The following EIF5A2 variants were observed in gnomAD, a reference collection of about 807,000 sequenced individuals.
EIF5A2 encodes eukaryotic translation initiation factor 5A-2.
EIF5A2 carries 15 observed loss-of-function variants against 16.4 expected under a neutral mutation model. That is an observed-to-expected ratio of 0.92 (90% CI 0.61 to 1.41). The LOEUF (loss-of-function observed/expected upper bound fraction) is 1.41, where lower values mean the gene tolerates loss of function less well. Ranked by LOEUF, EIF5A2 falls within the 40% of genes most tolerant of loss-of-function variation. The probability of loss-of-function intolerance (pLI) is 0.00; values close to 1 mark genes in which losing one functional copy is unlikely to be tolerated. For synonymous variants in EIF5A2, 48 were observed against 61.1 expected (o/e 0.79, Z 1.00); for missense variants, 144 against 189.5 (o/e 0.76, Z 1.41).
chr3:170,894,617 C>T (rs997848193), intron 3 of EIF5A2, among the ~76,000 whole-genome samples, 194 bp from the exon 4 acceptor site: 4 of 151,962 alleles, frequency 2.6e-5, no homozygotes, highest in African/African-American at 7.3e-5. Flanking sequence ...TTACTCCTCC[C>T]GGTACTTCCC....
intron 3 of EIF5A2, among the ~76,000 whole-genome samples, chr3:170,899,393 T>C (rs9838064): frequency 0.29 from 43,541 of 150,732 alleles, 7,279 homozygotes; most frequent in Non-Finnish European, 0.38. Context: ...ACTATGCCTG[T>C]TGGGATTTTT....
At chr3:170,896,210 T>C (rs1409152528) in intron 3 of EIF5A2, among the ~76,000 whole-genome samples, 1 of 152,340 alleles carries the variant, frequency 6.6e-6, no homozygotes, top group South Asian at 2.1e-4. Context: ...GAATGAAATA[T>C]ATAAAGCATT....
intron 3 of EIF5A2, among the ~76,000 whole-genome samples, chr3:170,902,057 G>A (rs1021419486): frequency 6.6e-6 from 1 of 152,182 alleles, no homozygotes; most frequent in African/African-American, 2.4e-5. Context: ...CCATCATTGA[G>A]TGGAAGTAGC....
intron 4 of EIF5A2, 106 bp downstream of exon 4, chr3:170,894,186 G>A: frequency 8.1e-7 from 1 of 1,227,576 alleles, no homozygotes; most frequent in Admixed American, 2.2e-5. Context: ...CAACATTTTA[G>A]CAGTATTTTT....
In EIF5A2 at chr3:170,889,810, A is replaced by G. The variant is rs967817445; in HGVS notation, c.*3550T>C. 2 of 152,560 alleles carry G rather than the reference A, an allele frequency of 1.3e-5. No individual in the cohort carries two copies. The highest frequency in any genetic ancestry group is 4.8e-5 in the African/African-American group (2 of 41,438). 9.5% of individuals were successfully genotyped at this position (152,560 alleles called of 1,614,324 possible). On this transcript the variant is annotated 3_prime_UTR_variant, in exon 5 of 5. Transcript: ENST00000295822. Reference sequence around the variant, plus strand: ...CTATCTCTGGGGTCCATGCCAAAGGAATGCTTTCAGATGTATCCTAAGGAT... The same window carrying G: ...CTATCTCTGGGGTCCATGCCAAAGGGATGCTTTCAGATGTATCCTAAGGAT...
At chr3:170,895,381 G>C (rs1712644695) in intron 3 of EIF5A2, among the ~76,000 whole-genome samples, 1 of 151,136 alleles carries the variant, frequency 6.6e-6, no homozygotes, top group East Asian at 1.9e-4. Context: ...AAAAAGCACG[G>C]TTTTGATACC....
At position 170,907,650 on chromosome 3, in the gene EIF5A2, G is replaced by T; in HGVS notation, c.157C>A (p.His53Asn). 1 of 1,598,120 alleles carries T rather than the reference G, an allele frequency of 6.3e-7. No homozygotes were observed. Among genetic ancestry groups the T allele is most frequent in the South Asian group, 1.1e-5 (1 of 90,162 alleles). Residue 53 changes from histidine (H) to asparagine (N), a missense_variant, in exon 2 of 5, where the codon CAT (histidine) becomes AAT (asparagine). Transcript: ENST00000295822. Reference sequence around the variant, plus strand: ...TCTGCAAGGGTACTTACCTTGGCATGACCATGCTTTCCAGTTTTGGAAGTT... The same window carrying T: ...TCTGCAAGGGTACTTACCTTGGCATTACCATGCTTTCCAGTTTTGGAAGTT... The part of the protein sequence containing the change: ...MSTSKTGKHG[H>N]AKVHLVGIDI...
At chr3:170,894,521 G>T in intron 3 of EIF5A2, 98 bp from the exon 4 acceptor site, 1 of 958,696 alleles carries the variant, frequency 1.0e-6, no homozygotes, top group African/African-American at 1.7e-5. Flanking sequence ...ATTCATATAA[G>T]TATACAGTAA....
Position 170,907,837 on chromosome 3 carries a change from G to T in EIF5A2, c.-31C>A. Reference sequence around the variant, plus strand: ...GCAGGGGAGATGGTAGTTTTTCCGTGGGAACTACACAAAAAGTTTGTGTTT... The same window carrying T: ...GCAGGGGAGATGGTAGTTTTTCCGTTGGAACTACACAAAAAGTTTGTGTTT... On this transcript the variant is annotated 5_prime_UTR_variant, in exon 2 of 5. Coordinates refer to ENST00000295822, the MANE Select transcript of EIF5A2 (RefSeq NM_020390.6). The T allele has an allele frequency of 6.6e-7, 1 of 1,507,756 alleles. No homozygotes were observed. The highest frequency in any genetic ancestry group is 9.0e-7 in the Non-Finnish European group (1 of 1,115,748). 93.4% of individuals were successfully genotyped at this position (1,507,756 alleles called of 1,614,324 possible). A position where few individuals can be genotyped will look rare whatever the true frequency, so the allele number is the denominator to read the frequency against.
At chr3:170,901,619 C>T (rs1199025366) in intron 3 of EIF5A2, among the ~76,000 whole-genome samples, 2 of 149,070 alleles carry the variant, frequency 1.3e-5, no homozygotes, top group Admixed American at 1.3e-4. Flanking sequence ...AGTGCAGTGG[C>T]GCAATCTTGG....
intron 3 of EIF5A2, among the ~76,000 whole-genome samples, chr3:170,898,497 G>C (rs770546103): frequency 1.3e-5 from 2 of 152,090 alleles, no homozygotes; most frequent in African/African-American, 2.4e-5. Context: ...GTGTTTGACA[G>C]ATCCCCCCTG....
At chr3:170,901,005 T>C (rs1407880273) in intron 3 of EIF5A2, among the ~76,000 whole-genome samples, 1 of 152,210 alleles carries the variant, frequency 6.6e-6, no homozygotes, top group African/African-American at 2.4e-5. Flanking sequence ...TATGGAGTAG[T>C]CCTGCTAAAG....
At chr3:170,899,546 A>G (rs961285384) in intron 3 of EIF5A2, among the ~76,000 whole-genome samples, 3 of 151,900 alleles carry the variant, frequency 2.0e-5, no homozygotes, top group Non-Finnish European at 4.4e-5. Context: ...CCTCATGATA[A>G]AGGTAATGCA....
At chr3:170,906,115 A>G (rs1712931813) in intron 3 of EIF5A2, among the ~76,000 whole-genome samples, 1 of 152,208 alleles carries the variant, frequency 6.6e-6, no homozygotes, top group South Asian at 2.1e-4. Context: ...AAGGGTACAG[A>G]AAAAAATCAG....
intron 4 of EIF5A2, 107 bp downstream of exon 4, chr3:170,894,185 A>G (rs1712608823): frequency 8.2e-7 from 1 of 1,223,034 alleles, no homozygotes; most frequent in South Asian, 1.5e-5. Context: ...TCAACATTTT[A>G]GCAGTATTTT....
chr3:170,899,603 A>C (rs1357637281), intron 3 of EIF5A2, among the ~76,000 whole-genome samples: 1 of 152,004 alleles, frequency 6.6e-6, no homozygotes, highest in African/African-American at 2.4e-5. Flanking sequence ...AGAGTATCCT[A>C]TCAGGAGGCA....
Position 170,892,836 on chromosome 3 carries a change from C to T in EIF5A2, c.*524G>A. On this transcript the variant is annotated 3_prime_UTR_variant, in exon 5 of 5. Transcript: ENST00000295822. The stretch of plus-strand genomic sequence containing the variant: ...AAAGTAATCACATGGTTGCATGTGG[C>T]CACCAAAATAACTGACAGTTTTTGA... 2.5e-6 allele frequency: 1 copy of T among 398,986 alleles called. No homozygotes were observed. The highest frequency in any genetic ancestry group is 4.4e-6 in the Non-Finnish European group (1 of 226,118). The allele number at this position is 398,986 out of a possible 1,614,324, so 24.7% of individuals were successfully genotyped here.
At position 170,893,095 on chromosome 3, in the gene EIF5A2, T is replaced by C. The variant is rs902079144; in HGVS notation, c.*265A>G. 26 of 446,250 alleles carry C rather than the reference T, an allele frequency of 5.8e-5. No homozygotes were observed. The highest frequency in any genetic ancestry group is 5.3e-4 in the African/African-American group (26 of 49,168). 27.6% of individuals were successfully genotyped at this position (446,250 alleles called of 1,614,324 possible). ...TCAGACAAATCACATCTGCTGAAGC[T>C]ATCTTGTTTGTTTCTTGGACTGACA... On this transcript the variant is annotated 3_prime_UTR_variant, in exon 5 of 5. Coordinates refer to ENST00000295822, the MANE Select transcript of EIF5A2 (RefSeq NM_020390.6).
intron 1 of EIF5A2, 114 bp from the exon 2 acceptor site, chr3:170,907,955 G>T: frequency 1.3e-6 from 1 of 782,584 alleles, no homozygotes; most frequent in Non-Finnish European, 1.9e-6. Flanking sequence ...TGCATGTAAG[G>T]AACACCCACC....
Sources: gnomAD v4.1 joint callset for allele counts (sites outside exome capture counted in the v4.1 genomes callset) on GRCh38, gnomAD v4.1.1 for gene constraint, MANE v1.5 for transcripts, NCBI Gene and HGNC (gene_info 2026-07-23, HGNC 2026-07-21) for gene names.